LIPN: variants seen among roughly 807,000 people sequenced by gnomAD.
LIPN encodes lipase member N.
In LIPN, 32 loss-of-function variants were observed where a neutral mutation model predicts 43.7. That is an observed-to-expected ratio of 0.73 (90% confidence interval 0.55 to 0.98). The LOEUF (loss-of-function observed/expected upper bound fraction) is 0.98, where lower values mean the gene tolerates loss of function less well. Ranked by LOEUF, LIPN falls within the 50% of genes least tolerant of loss-of-function variation. The pLI, the probability that LIPN is intolerant of heterozygous loss-of-function variation, is 0.00. For synonymous variants in LIPN, 156 were observed against 157.6 expected (o/e 0.99, Z 0.08); for missense variants, 505 against 483.8 (o/e 1.04, Z -0.41).
rs1843340392 is a variant in LIPN, at chr10:88,778,847, T to C, written c.*605T>C. Among the ~76,000 whole-genome samples the C allele has an allele frequency of 6.6e-6, 1 of 152,202 alleles. No individual in the cohort carries two copies. Among genetic ancestry groups the C allele is most frequent in the Non-Finnish European group, 1.5e-5 (1 of 68,020 alleles). On this transcript the variant is annotated 3_prime_UTR_variant, in exon 10 of 10. Transcript: ENST00000404459. ...ACGGAATCTTGAACCCATAATAGGA[T>C]ACATGTATAAAATCTTCCTTATTAA...
At chr10:88,774,733 AGAT>A (rs1843268392) in intron 8 of LIPN, among the ~76,000 whole-genome samples, 189 bp downstream of exon 8, 1 of 151,844 alleles carries the variant, frequency 6.6e-6, no homozygotes, top group Admixed American at 6.6e-5. Flanking sequence ...CAGACCAAGT[AGAT>A]GACATAAATG....
intron 7 of LIPN, among the ~76,000 whole-genome samples, chr10:88,773,849 G>T (rs1044420038): frequency 3.3e-5 from 5 of 152,006 alleles, no homozygotes; most frequent in Admixed American, 2.6e-4. Flanking sequence ...ATAGAATTAT[G>T]ATTACTATTT....
rs763034476 is a variant in LIPN at position 88,768,854 on chromosome 10, G to T, written c.598G>T (p.Gly200Cys). The T allele has an allele frequency of 1.2e-6, 2 of 1,611,386 alleles. No homozygotes were observed. Among genetic ancestry groups the T allele is most frequent in the Non-Finnish European group, 1.7e-6 (2 of 1,178,416 alleles). ...AAGAATCAAAATGAATTTTGCCTTG[G>T]GTCCTACGATCTCATTCAAATATCC... is the stretch of plus-strand genomic sequence containing the variant. ...AQRIKMNFAL[G>C]PTISFKYPTG... is the part of the protein sequence containing the mutation. Residue 200 changes from glycine (G) to cysteine (C), a missense_variant, in exon 6 of 10, where the codon GGT becomes TGT. Physicochemically the swap from Gly to Cys is radical, Grantham distance 159 (BLOSUM62 -3). Transcript: ENST00000404459.
chr10:88,759,634 C>T (rs780320439), upstream of LIPN, among the ~76,000 whole-genome samples: 12 of 152,062 alleles, frequency 7.9e-5, no homozygotes, highest in Non-Finnish European at 1.6e-4. Flanking sequence ...CACATCCCTA[C>T]GCACTGCATG....
chr10:88,773,191 T>C (rs1255929143), intron 7 of LIPN, among the ~76,000 whole-genome samples: 2 of 151,748 alleles, frequency 1.3e-5, no homozygotes, highest in African/African-American at 4.8e-5. Context: ...ATGTCTGCTA[T>C]ACATAGAAGA....
chr10:88,758,512 T>TTTCTATAAA, upstream of LIPN, among the ~76,000 whole-genome samples: 1 of 149,464 alleles, frequency 6.7e-6, no homozygotes, highest in South Asian at 2.1e-4. Flanking sequence ...ATTGTAACAT[T>TTTCTATAAA]ATATATTTTC....
rs977960057 is a variant in LIPN at position 88,764,508 on chromosome 10, G to A, written c.325G>A (p.Asp109Asn). Residue 109 changes from aspartate (D) to asparagine (N), a missense_variant, in exon 4 of 10, where the codon GAT becomes AAT. By Grantham distance (23) the Asp-to-Asn change is conservative. Coordinates refer to ENST00000404459, the MANE Select transcript of LIPN (RefSeq NM_001102469.2). ...TGGAAGCCTTGGATTCCTTCTAGCAGATGCAGGTTATGATGTATGGATGGG... is the reference window on the plus strand; with the variant it reads ...TGGAAGCCTTGGATTCCTTCTAGCAAATGCAGGTTATGATGTATGGATGGG... Reference protein sequence around the residue: ...ANGSLGFLLADAGYDVWMGNS... With the variant: ...ANGSLGFLLANAGYDVWMGNS... 9.3e-6 allele frequency: 15 copies of A among 1,612,248 alleles called. No individual in the cohort carries two copies. The highest frequency in any genetic ancestry group is 1.2e-5 in the Non-Finnish European group (14 of 1,179,032).
intron 5 of LIPN, among the ~76,000 whole-genome samples, chr10:88,767,734 G>A (rs1446773525): frequency 7.4e-6 from 1 of 135,022 alleles, no homozygotes; most frequent in African/African-American, 2.7e-5. Flanking sequence ...TTTCATTTAG[G>A]ACATAAATAT....
At chr10:88,760,528 G>A (rs1158295983) in intron 1 of LIPN, among the ~76,000 whole-genome samples, 1 of 152,014 alleles carries the variant, frequency 6.6e-6, no homozygotes, top group Non-Finnish European at 1.5e-5. Context: ...ATATTACTTT[G>A]TTATAGTGAA....
rs79116131 is a variant in LIPN at position 88,770,854 on chromosome 10, G to T, written c.682G>T (p.Gly228Cys). 2.7e-6 allele frequency: 4 copies of T among 1,505,266 alleles called. No individual in the cohort carries two copies. The highest frequency in any genetic ancestry group is 1.4e-5 in the African/African-American group (1 of 71,206). The allele number at this position is 1,505,266 out of a possible 1,614,324, so 93.2% of individuals were successfully genotyped here. ...LPNSIIKAVF[G>C]TKGFFLEDKK... ...TTATTTACTTTCATAGGCTGTTTTT[G>T]GTACCAAAGGTTTCTTTTTAGAAGA... Residue 228 changes from glycine to cysteine, a missense_variant, in exon 7 of 10, where the codon GGT (glycine) becomes TGT (cysteine). Transcript: ENST00000404459.
chr10:88,772,343 G>A (rs915815750), intron 7 of LIPN, among the ~76,000 whole-genome samples: 10 of 151,806 alleles, frequency 6.6e-5, no homozygotes, highest in African/African-American at 1.2e-4. Context: ...CCAATGTCCC[G>A]GAGTGCTTCT....
At chr10:88,765,173 C>A (rs969132187) in intron 4 of LIPN, among the ~76,000 whole-genome samples, 7 of 151,892 alleles carry the variant, frequency 4.6e-5, no homozygotes, top group Admixed American at 3.3e-4. Context: ...TTTTTAAAAC[C>A]TTTTTAATGG....
chr10:88,761,616 T>C (rs1183708519), intron 2 of LIPN, 103 bp downstream of exon 2: 4 of 759,614 alleles, frequency 5.3e-6, no homozygotes, highest in Middle Eastern at 3.7e-4. Context: ...ATAAAACAGA[T>C]AAAATGTAGA....
At chr10:88,765,819 C>G (rs1423303562) in intron 4 of LIPN, among the ~76,000 whole-genome samples, 1 of 151,570 alleles carries the variant, frequency 6.6e-6, no homozygotes, top group Non-Finnish European at 1.5e-5. Flanking sequence ...AACATAGGCT[C>G]AGAGCATTTC....
chr10:88,760,383 A>C (rs1181759100), intron 1 of LIPN, among the ~76,000 whole-genome samples: 1 of 152,166 alleles, frequency 6.6e-6, no homozygotes, highest in Non-Finnish European at 1.5e-5. Context: ...AAGGGGACTC[A>C]GTAGCTTATT....
Position 88,778,259 on chromosome 10 carries a change from T to C in LIPN, c.*17T>C. 1 of 1,565,358 alleles carries C rather than the reference T, an allele frequency of 6.4e-7. No individual in the cohort carries two copies. Among genetic ancestry groups the C allele is most frequent in the Non-Finnish European group, 8.7e-7 (1 of 1,148,502 alleles). On this transcript the variant is annotated 3_prime_UTR_variant, in exon 10 of 10. Coordinates refer to ENST00000404459, the MANE Select transcript of LIPN (RefSeq NM_001102469.2). ...TATTCCTAAATGCAATGCATTTACTTTTCAATTAAAAGTTGCTTCCAAGCC... is the reference window on the plus strand; with the variant it reads ...TATTCCTAAATGCAATGCATTTACTCTTCAATTAAAAGTTGCTTCCAAGCC...
intron 3 of LIPN, among the ~76,000 whole-genome samples, chr10:88,763,037 C>T (rs1186786597): frequency 1.3e-5 from 2 of 152,020 alleles, no homozygotes; most frequent in Admixed American, 6.6e-5. Context: ...TTACCGTGTT[C>T]ATTTTGCATC....
At chr10:88,771,673 A>C (rs545293308) in intron 7 of LIPN, among the ~76,000 whole-genome samples, 2 of 150,838 alleles carry the variant, frequency 1.3e-5, no homozygotes, top group South Asian at 2.1e-4. Context: ...GGCTGATTTC[A>C]TATCTTGGTC....
chr10:88,764,161 C>T (rs1843048646), intron 3 of LIPN, among the ~76,000 whole-genome samples: 1 of 151,876 alleles, frequency 6.6e-6, no homozygotes, highest in Non-Finnish European at 1.5e-5. Flanking sequence ...ATTTAGTAAG[C>T]TAATACATAT....
Sources: allele counts gnomAD v4.1 joint callset (sites outside exome capture counted in the v4.1 genomes callset), GRCh38; gene constraint gnomAD v4.1.1; transcripts MANE v1.5; gene names NCBI Gene and HGNC (gene_info 2026-07-23, HGNC 2026-07-21).